Variants in CCNJ observed in about 807,000 individuals in gnomAD.
CCNJ encodes cyclin-J.
A neutral mutation model predicts 41.4 loss-of-function variants in CCNJ; 12 were observed. The observed-to-expected ratio is 0.29, with a 90% CI of 0.19 to 0.47. The LOEUF is 0.47. Among genes scored for constraint, CCNJ ranks in the 20% least tolerant of loss-of-function variants. CCNJ has a pLI of 1.00. For missense variants in CCNJ, 340 were observed against 464.6 expected (o/e 0.73, Z 2.47); for synonymous variants, 161 against 173.4 (o/e 0.93, Z 0.56).
In CCNJ at chr10:96,060,761, T is replaced by C. The variant is rs1435587942; in HGVS notation, c.*2520T>C. 1 of 151,528 alleles carries C rather than the reference T, an allele frequency of 6.6e-6. No individual in the cohort carries two copies. The highest frequency in any genetic ancestry group is 2.4e-5 in the African/African-American group (1 of 41,354). The allele number at this position is 151,528 out of a possible 1,614,324, so 9.4% of individuals were successfully genotyped here. On this transcript the variant is annotated 3_prime_UTR_variant, in exon 6 of 6. Coordinates refer to ENST00000465148, the MANE Select transcript of CCNJ (RefSeq NM_001134375.2). ...TACAGACTGCAAACCAAAATGTATC[T>C]GTGTTACGACATTAATTGCAAATAG...
intron 2 of CCNJ, among the ~76,000 whole-genome samples, chr10:96,049,006 TAAC>T (rs2080443951): frequency 6.6e-6 from 1 of 152,234 alleles, no homozygotes; most frequent in South Asian, 2.1e-4. Flanking sequence ...CTGTTATCTG[TAAC>T]AACTACATCA....
At chr10:96,049,892 A>G (rs561347100) in intron 2 of CCNJ, among the ~76,000 whole-genome samples, 1 of 152,112 alleles carries the variant, frequency 6.6e-6, no homozygotes, top group Non-Finnish European at 1.5e-5. Context: ...CATCTTGGAG[A>G]GGTGTAGGGG....
At chr10:96,044,048 C>G (rs551043982) in intron 1 of CCNJ, among the ~76,000 whole-genome samples, 1 of 152,336 alleles carries the variant, frequency 6.6e-6, no homozygotes, top group African/African-American at 2.4e-5. Context: ...CCAGCCGGGC[C>G]TCCCCCAGCT....
intron 2 of CCNJ, among the ~76,000 whole-genome samples, chr10:96,047,927 T>C (rs1564701852): frequency 6.6e-6 from 1 of 151,882 alleles, no homozygotes; most frequent in Non-Finnish European, 1.5e-5. Flanking sequence ...CCTGATCCTC[T>C]TCCTCCTCCC....
At chr10:96,051,302 T>C (rs2080516176) in intron 3 of CCNJ, among the ~76,000 whole-genome samples, 1 of 152,184 alleles carries the variant, frequency 6.6e-6, no homozygotes, top group Non-Finnish European at 1.5e-5. Flanking sequence ...TCACTGAAGA[T>C]AGGGCACGTA....
chr10:96,050,079 G>A (rs1409621893), intron 2 of CCNJ, among the ~76,000 whole-genome samples, 177 bp from the exon 3 acceptor site: 3 of 152,044 alleles, frequency 2.0e-5, no homozygotes, highest in African/African-American at 7.2e-5. Flanking sequence ...GAAAAATTTG[G>A]TTTTAAATGT....
chr10:96,051,185 CT>C (rs1286014791), intron 3 of CCNJ, among the ~76,000 whole-genome samples: 3 of 152,224 alleles, frequency 2.0e-5, no homozygotes, highest in Non-Finnish European at 4.4e-5. Flanking sequence ...AAGATACAAT[CT>C]GATACAACCA....
chr10:96,052,832 G>A (rs2080567092), intron 3 of CCNJ, among the ~76,000 whole-genome samples: 1 of 152,166 alleles, frequency 6.6e-6, no homozygotes, highest in African/African-American at 2.4e-5. Flanking sequence ...GCATTGGAGA[G>A]TAGGAATGTA....
At position 96,057,254 on chromosome 10, in the gene CCNJ, C is replaced by G. The variant is rs1274902680; in HGVS notation, c.740+7C>G. Reference sequence around the variant, plus strand: ...GTATTGAACGACTGTTGATGTAAGCCTTTTTATTCTTGTGTTTGTACTTTC... The same window carrying G: ...GTATTGAACGACTGTTGATGTAAGCGTTTTTATTCTTGTGTTTGTACTTTC... On this transcript the variant is annotated splice_region_variant and intron_variant, in intron 5 of 5. Transcript: ENST00000465148. 6.2e-7 allele frequency: 1 copy of G among 1,610,336 alleles called. No homozygotes were observed. The highest frequency in any genetic ancestry group is 1.7e-5 in the Admixed American group (1 of 59,666).
intron 2 of CCNJ, among the ~76,000 whole-genome samples, chr10:96,049,475 CTTT>C (rs1273299002): frequency 8.9e-6 from 1 of 112,664 alleles, no homozygotes; most frequent in South Asian, 2.7e-4. Context: ...TTTTCTTTTT[CTTT>C]TTCTTTTTTT....
In CCNJ at chr10:96,059,341, C is replaced by T. The variant is rs1431002214; in HGVS notation, c.*1100C>T. On this transcript the variant is annotated 3_prime_UTR_variant, in exon 6 of 6. Coordinates refer to ENST00000465148, the MANE Select transcript of CCNJ (RefSeq NM_001134375.2). ...GTGGAAGACAGGTTTTTTAAGCAACCTTTGAATCCAGCTCTAGTCAGTCTA... is the reference window on the plus strand; with the variant it reads ...GTGGAAGACAGGTTTTTTAAGCAACTTTTGAATCCAGCTCTAGTCAGTCTA... The T allele has an allele frequency of 1.3e-5, 2 of 152,602 alleles. No individual in the cohort carries two copies. Among genetic ancestry groups the T allele is most frequent in the South Asian group, 2.1e-4 (1 of 4,826 alleles). The allele number at this position is 152,602 out of a possible 1,614,324, so 9.5% of individuals were successfully genotyped here. A position where few individuals can be genotyped will look rare whatever the true frequency, so the allele number is the denominator to read the frequency against.
chr10:96,050,952 CA>C (rs1215391515), intron 3 of CCNJ, among the ~76,000 whole-genome samples: 6 of 152,196 alleles, frequency 3.9e-5, no homozygotes, highest in African/African-American at 1.4e-4. Context: ...TGCTGCTAAA[CA>C]TCCGGTAGTG....
At chr10:96,046,234 A>G (rs576048247) in intron 2 of CCNJ, among the ~76,000 whole-genome samples, 5 of 152,326 alleles carry the variant, frequency 3.3e-5, no homozygotes, top group Middle Eastern at 3.4e-3. Flanking sequence ...AATGCCACTG[A>G]AAGTTTTATT....
chr10:96,056,698 A>G lies in CCNJ; in HGVS notation c.281-3A>G. The G allele has an allele frequency of 1.3e-6, 2 of 1,577,352 alleles. No individual in the cohort carries two copies. The highest frequency in any genetic ancestry group is 1.7e-6 in the Non-Finnish European group (2 of 1,163,890). ...CTCCCCTCCCATCCCCTTTTCTTAT[A>G]AGGTAAATTTGAAGAAAAAGAAGAC... On this transcript the variant is annotated splice_polypyrimidine_tract_variant and splice_region_variant and intron_variant, in intron 3 of 5. Transcript: ENST00000465148.
At chr10:96,051,897 C>CT (rs2080534959) in intron 3 of CCNJ, among the ~76,000 whole-genome samples, 1 of 152,210 alleles carries the variant, frequency 6.6e-6, no homozygotes, top group Non-Finnish European at 1.5e-5. Flanking sequence ...TGCAGCATGA[C>CT]TTCCCACTGC....
In CCNJ at chr10:96,060,121, T is replaced by A. The variant is rs2080786063; in HGVS notation, c.*1880T>A. 6.6e-6 allele frequency: 1 copy of A among 152,590 alleles called. No homozygotes were observed. The highest frequency in any genetic ancestry group is 2.4e-5 in the African/African-American group (1 of 41,434). The allele number at this position is 152,590 out of a possible 1,614,324, so 9.5% of individuals were successfully genotyped here. A position where few individuals can be genotyped will look rare whatever the true frequency, so the allele number is the denominator to read the frequency against. ...AGTTCTTACCTCAAGAAAACTTGAA[T>A]TATTTGGGGGAAAGTAGGCTCAAAA... On this transcript the variant is annotated 3_prime_UTR_variant, in exon 6 of 6. Coordinates refer to ENST00000465148, the MANE Select transcript of CCNJ (RefSeq NM_001134375.2).
chr10:96,054,869 T>A (rs544921418), intron 3 of CCNJ, among the ~76,000 whole-genome samples: 1 of 152,286 alleles, frequency 6.6e-6, no homozygotes, highest in South Asian at 2.1e-4. Context: ...ATAAATAAAC[T>A]CATTAATTTC....
At chr10:96,048,300 A>G (rs2142035007) in intron 2 of CCNJ, among the ~76,000 whole-genome samples, 1 of 152,346 alleles carries the variant, frequency 6.6e-6, no homozygotes, top group African/African-American at 2.4e-5. Context: ...TTATATACCC[A>G]GTAATGAGAT....
rs1278966856 is a variant in CCNJ, at chr10:96,044,455, G to A, written c.62G>A (p.Arg21His). Reference protein sequence around the residue: ...QLAADIHQALRYKELKLPSYK... With the variant: ...QLAADIHQALHYKELKLPSYK... Reference sequence around the variant, plus strand: ...GCCGCCGATATTCACCAAGCGCTTCGCTACAAGGTAACTCCGAGGCCCGGC... The same window carrying A: ...GCCGCCGATATTCACCAAGCGCTTCACTACAAGGTAACTCCGAGGCCCGGC... Residue 21 changes from arginine (R) to histidine (H), a missense_variant, in exon 2 of 6, where the codon CGC (arginine) becomes CAC (histidine). Coordinates refer to ENST00000465148, the MANE Select transcript of CCNJ (RefSeq NM_001134375.2). 1 of 1,554,046 alleles carries A rather than the reference G, an allele frequency of 6.4e-7. No individual in the cohort carries two copies. The highest frequency in any genetic ancestry group is 8.7e-7 in the Non-Finnish European group (1 of 1,144,484).
Sources: gnomAD v4.1 joint callset for allele counts (sites outside exome capture counted in the v4.1 genomes callset) on GRCh38, gnomAD v4.1.1 for gene constraint, MANE v1.5 for transcripts, NCBI Gene and HGNC (gene_info 2026-07-23, HGNC 2026-07-21) for gene names.